The following SSBP4 variants were observed in gnomAD, a reference collection of about 807,000 sequenced individuals.
SSBP4 encodes single stranded DNA binding protein 4, also known as single-stranded DNA-binding protein 4.
Under a neutral mutation model 64.6 loss-of-function variants are expected in SSBP4, and 33 were observed. The ratio of observed to expected loss-of-function variants is 0.51; its 90% CI spans 0.39 to 0.68. The LOEUF is 0.68. SSBP4 is among the 30% of genes least tolerant of loss of function. SSBP4 has a pLI of 0.00. For synonymous variants in SSBP4, 243 were observed against 224.0 expected, an observed-to-expected ratio of 1.08 and a Z score of -0.76; for missense variants, 583 against 566.8, an observed-to-expected ratio of 1.03 and a Z score of -0.29.
the SSBP4 span, among the ~76,000 whole-genome samples, chr19:18,405,312 T>A: frequency 6.6e-6 from 1 of 152,054 alleles, no homozygotes; most frequent in East Asian, 1.9e-4. Flanking sequence ...TTCCTGGTTT[T>A]CTGCCACCTC....
the SSBP4 span, among the ~76,000 whole-genome samples, chr19:18,406,910 G>A: frequency 1.3e-5 from 2 of 152,086 alleles, no homozygotes; most frequent in South Asian, 2.1e-4. Context: ...GGACCTATAC[G>A]CATTCATTCA....
Position 18,434,396 on chromosome 19 carries a change from C to T in SSBP4, c.*150C>T, listed in dbSNP as rs569266405. 165 of 1,367,250 alleles carry T rather than the reference C, an allele frequency of 1.2e-4. No homozygotes were observed. The African/African-American group carries it at 1.9e-3, about 16-fold the overall frequency. The allele number at this position is 1,367,250 out of a possible 1,614,324, so 84.7% of individuals were successfully genotyped here. The stretch of plus-strand genomic sequence containing the variant: ...GGAGGCCCCACACGAAAGACTCTTA[C>T]CATTTTATTAAAAACGCAAGGACCT... On this transcript the variant is annotated 3_prime_UTR_variant, in exon 18 of 18. Transcript: ENST00000270061.
At chr19:18,413,785 G>A in the SSBP4 span, among the ~76,000 whole-genome samples, 131 of 152,270 alleles carry the variant, frequency 8.6e-4, no homozygotes, top group African/African-American at 2.8e-3. Flanking sequence ...GGGAGGCCAA[G>A]GCGGGCAGAT....
Position 18,433,044 on chromosome 19 carries a change from G to A in SSBP4, c.912+1G>A. The A allele has an allele frequency of 6.2e-7, 1 of 1,614,056 alleles. No homozygotes were observed. The highest frequency in any genetic ancestry group is 8.5e-7 in the Non-Finnish European group (1 of 1,179,998). ...CGGGCAGGGCGCCGGCAGGGCTAAT[G>A]TGAGTGGGGGCTTGCAGGGGTGCTT... On this transcript the variant is annotated splice_donor_variant, in intron 14 of 17. Transcript: ENST00000270061. LOFTEE classifies it high-confidence loss of function.
chr19:18,417,476 T>C (rs1972161110), upstream of SSBP4, among the ~76,000 whole-genome samples: 1 of 152,192 alleles, frequency 6.6e-6, no homozygotes. The surrounding 1 kb of genome is among the most constrained non-coding windows in gnomAD (Gnocchi z 5.4). Flanking sequence ...ACCAAGGCTC[T>C]GTGTGACTTT....
At chr19:18,433,934 T>C in intron 17 of SSBP4, 117 bp downstream of exon 17, 1 of 1,240,220 alleles carries the variant, frequency 8.1e-7, no homozygotes, top group Non-Finnish European at 1.0e-6. Flanking sequence ...GCGGGCCAGG[T>C]GGGGGGGCGG....
rs1311332907 is a variant in SSBP4 at position 18,419,487 on chromosome 19, G to T, written c.-162G>T. The T allele has an allele frequency of 3.7e-6, 4 of 1,088,830 alleles. No individual in the cohort carries two copies. Among genetic ancestry groups the T allele is most frequent in the Admixed American group, 1.0e-4 (2 of 19,276 alleles). 67.4% of individuals were successfully genotyped at this position (1,088,830 alleles called of 1,614,324 possible). On this transcript the variant is annotated 5_prime_UTR_variant, in exon 1 of 18. Transcript: ENST00000270061. Reference sequence around the variant, plus strand: ...AGCTGGAGCCGCCGCTGCCGCCGCCGCCGCGGCCGTCTGGAGCTCCCCCGC... The same window carrying T: ...AGCTGGAGCCGCCGCTGCCGCCGCCTCCGCGGCCGTCTGGAGCTCCCCCGC...
At position 18,434,448 on chromosome 19, in the gene SSBP4, C is replaced by G; in HGVS notation, c.*202C>G. ...AGAGACGTTCTTTTCTGTATGGACC[C>G]TTCCTGCCATTTGTATTTTGTCCCA... On this transcript the variant is annotated 3_prime_UTR_variant, in exon 18 of 18. Coordinates refer to ENST00000270061, the MANE Select transcript of SSBP4 (RefSeq NM_032627.5). 9.9e-7 allele frequency: 1 copy of G among 1,011,814 alleles called. No individual in the cohort carries two copies. The highest frequency in any genetic ancestry group is 1.3e-6 in the Non-Finnish European group (1 of 748,350). The allele number at this position is 1,011,814 out of a possible 1,614,324, so 62.7% of individuals were successfully genotyped here.
Position 18,423,214 on chromosome 19 carries a change from G to A in SSBP4, c.59+3507G>A, listed in dbSNP as rs1219046980. On this transcript the variant is annotated intron_variant, in intron 1 of 17. Coordinates refer to ENST00000270061, the MANE Select transcript of SSBP4 (RefSeq NM_032627.5). This position sits in a 1 kb window ranked among gnomAD's most constrained non-coding sequence, Gnocchi z 4.0. ...ATGAATCACAGCCATGGTTGGTGTT[G>A]CCTGGCAGCTCGTGGGTTTCTCCCG... Among the ~76,000 whole-genome samples the A allele has an allele frequency of 6.6e-6, 1 of 152,210 alleles. No homozygotes were observed. The highest frequency in any genetic ancestry group is 1.5e-5 in the Non-Finnish European group (1 of 68,044).
chr19:18,408,561 C>T, the SSBP4 span, among the ~76,000 whole-genome samples: 3 of 151,726 alleles, frequency 2.0e-5, no homozygotes, highest in African/African-American at 4.8e-5. Flanking sequence ...GGCACCATCA[C>T]GGCTCACTGC....
intron 4 of SSBP4, 145 bp downstream of exon 4, chr19:18,428,127 C>A: frequency 2.2e-6 from 2 of 916,722 alleles, no homozygotes; most frequent in South Asian, 1.6e-5. Context: ...GCTGCAGCCT[C>A]CACTCAGGCT....
chr19:18,432,225 G>C lies in SSBP4; in HGVS notation c.704+11G>C. The C allele has an allele frequency of 6.2e-7, 1 of 1,612,620 alleles. No individual in the cohort carries two copies. The highest frequency in any genetic ancestry group is 8.5e-7 in the Non-Finnish European group (1 of 1,179,774). On this transcript the variant is annotated intron_variant, in intron 10 of 17. Coordinates refer to ENST00000270061, the MANE Select transcript of SSBP4 (RefSeq NM_032627.5). ...GCCTGCCATGAACATGTAAGACCCT[G>C]GGGGATCCTAGGAGTGTGCAGTTCG...
the SSBP4 span, among the ~76,000 whole-genome samples, chr19:18,412,404 T>C: frequency 3.0e-5 from 4 of 134,126 alleles, no homozygotes; most frequent in South Asian, 9.1e-4. Flanking sequence ...AGGTTTGCAG[T>C]GAGTCGAGAT....
At chr19:18,403,096 T>C in the SSBP4 span, among the ~76,000 whole-genome samples, 6 of 152,356 alleles carry the variant, frequency 3.9e-5, no homozygotes, top group African/African-American at 1.2e-4. Context: ...TGTTACTCTT[T>C]ACTCGGCTGA....
chr19:18,414,119 GC>G (rs1406407070), upstream of SSBP4, among the ~76,000 whole-genome samples: 2 of 152,176 alleles, frequency 1.3e-5, no homozygotes, highest in Non-Finnish European at 2.9e-5. Context: ...ACGTGGTTAG[GC>G]CCAGGATGGG....
At chr19:18,419,258 C>A (rs1172748150), upstream of SSBP4, 2 of 991,898 alleles carry the variant, frequency 2.0e-6, no homozygotes, top group Non-Finnish European at 2.4e-6. Context: ...CGCCCCCACC[C>A]CCCGCGGCGG....
upstream of SSBP4, among the ~76,000 whole-genome samples, chr19:18,414,871 CAGGGCACAGCT>C (rs1462552385): frequency 6.6e-6 from 1 of 152,156 alleles, no homozygotes; most frequent in Non-Finnish European, 1.5e-5. Context: ...CACAGTGAGC[CAGGGCACAGCT>C]AGGTTCAAAC....
intron 1 of SSBP4, among the ~76,000 whole-genome samples, chr19:18,420,803 GATCA>G (rs1972400757): frequency 1.3e-5 from 2 of 150,812 alleles, no homozygotes; most frequent in South Asian, 4.2e-4. Flanking sequence ...AGTGAGCCGA[GATCA>G]CGCCACTGCA....
At chr19:18,408,727 G>T in the SSBP4 span, among the ~76,000 whole-genome samples, 1 of 152,204 alleles carries the variant, frequency 6.6e-6, no homozygotes, top group East Asian at 1.9e-4. Flanking sequence ...CTGATCTCAG[G>T]TGATCCGCCT....
Sources: allele counts gnomAD v4.1 joint callset (sites outside exome capture counted in the v4.1 genomes callset), GRCh38; gene constraint gnomAD v4.1.1; non-coding constraint Gnocchi (gnomAD v3.1); transcripts MANE v1.5; gene names NCBI Gene and HGNC (gene_info 2026-07-23, HGNC 2026-07-21).